The following TENM2 variants were observed in gnomAD, a reference collection of about 807,000 sequenced individuals.
TENM2 encodes the protein teneurin transmembrane protein 2.
TENM2 carries 52 observed loss-of-function variants against 245.2 expected under a neutral mutation model. The observed-to-expected ratio is 0.21, with a 90% CI of 0.17 to 0.27. The LOEUF (loss-of-function observed/expected upper bound fraction) is 0.27, where lower values mean the gene tolerates loss of function less well. TENM2 is among the 10% of genes least tolerant of loss of function. The probability of loss-of-function intolerance (pLI) is 1.00; values close to 1 mark genes in which losing one functional copy is unlikely to be tolerated. For synonymous variants in TENM2, 1,363 were observed against 1,438.9 expected, an observed-to-expected ratio of 0.95 and a Z score of 1.19; for missense variants, 3,046 against 3,666.8, an observed-to-expected ratio of 0.83 and a Z score of 4.37.
At chr5:167,977,921 G>A (rs1303054319) in intron 4 of TENM2, among the ~76,000 whole-genome samples, 2 of 152,160 alleles carry the variant, frequency 1.3e-5, no homozygotes, top group Non-Finnish European at 1.5e-5. Flanking sequence ...TGGGTCATGG[G>A]GGTGGATCTC....
chr5:167,428,405 T>A (rs1432772010), intron 2 of TENM2, among the ~76,000 whole-genome samples: 2 of 152,212 alleles, frequency 1.3e-5, no homozygotes, highest in Admixed American at 6.5e-5. Context: ...TGTGTTTTTT[T>A]AAAAATAACA....
At position 167,971,676 on chromosome 5, in the gene TENM2, G is replaced by C. The variant is rs905091319; in HGVS notation, c.947+18854G>C. 1.3e-5 allele frequency among the ~76,000 whole-genome samples: 2 copies of C among 151,410 alleles called. 1 individual carries two copies. The highest frequency in any genetic ancestry group is 4.2e-4 in the South Asian group (2 of 4,784). ...AGATCGCGCCACTGCACTCCAGCCT[G>C]GGTGACAGAGTGAGACTCCATCTAA... On this transcript the variant is annotated intron_variant, in intron 4 of 28. Coordinates refer to ENST00000518659, the Ensembl canonical transcript of TENM2.
intron 8 of TENM2, among the ~76,000 whole-genome samples, chr5:168,097,598 G>C (rs531698309): frequency 1.9e-5 from 1 of 52,680 alleles, no homozygotes; most frequent in Admixed American, 2.7e-4. Flanking sequence ...CTAATTGTGT[G>C]TGTGCGTGTG....
At chr5:167,194,894 C>T in the TENM2 span, among the ~76,000 whole-genome samples, 4 of 151,918 alleles carry the variant, frequency 2.6e-5, no homozygotes, top group Admixed American at 6.6e-5. Context: ...CTAAATTATA[C>T]GGCTATTTAC....
intron 5 of TENM2, among the ~76,000 whole-genome samples, chr5:168,030,527 C>T (rs962131758): frequency 7.9e-5 from 12 of 152,104 alleles, no homozygotes; most frequent in African/African-American, 2.7e-4. Context: ...CCAGTAATTT[C>T]CATTTCTAAT....
chr5:167,382,050 T>G (rs1761123879), intron 2 of TENM2, among the ~76,000 whole-genome samples: 1 of 152,158 alleles, frequency 6.6e-6, no homozygotes, highest in Non-Finnish European at 1.5e-5. Context: ...TGCCCTGAAG[T>G]ACTGAAAAAT....
At chr5:167,947,324 A>G (rs1053090611) in intron 3 of TENM2, among the ~76,000 whole-genome samples, 2 of 152,250 alleles carry the variant, frequency 1.3e-5, no homozygotes, top group Non-Finnish European at 2.9e-5. Flanking sequence ...GCTATGTACC[A>G]TGAATTGTGC....
At chr5:166,989,100 C>T in the TENM2 span, among the ~76,000 whole-genome samples, 9 of 151,820 alleles carry the variant, frequency 5.9e-5, no homozygotes, top group Non-Finnish European at 8.8e-5. Flanking sequence ...GTCAGAGTCT[C>T]GCTCTGTGGC....
intron 4 of TENM2, among the ~76,000 whole-genome samples, chr5:167,990,743 C>T (rs114947412): frequency 6.6e-6 from 1 of 152,160 alleles, no homozygotes; most frequent in Non-Finnish European, 1.5e-5. Context: ...TTAACATTAG[C>T]TGTGTTAAAT....
intron 16 of TENM2, 53 bp from the exon 19 acceptor site, chr5:168,199,811 T>C: frequency 1.3e-6 from 2 of 1,573,796 alleles, no homozygotes; most frequent in Non-Finnish European, 1.7e-6. Context: ...GGGTTACAGT[T>C]TACCTGCACA....
At chr5:167,381,610 A>G (rs910018005) in intron 2 of TENM2, among the ~76,000 whole-genome samples, 2 of 152,176 alleles carry the variant, frequency 1.3e-5, no homozygotes, top group Non-Finnish European at 2.9e-5. Context: ...GACAGATCAG[A>G]TTAGAAGCAG....
chr5:167,934,898 T>C, intron 3 of TENM2: 1 of 985,544 alleles, frequency 1.0e-6, no homozygotes, highest in Non-Finnish European at 1.2e-6. Context: ...GTGTGCAGGC[T>C]GCACTGCCCT....
At chr5:168,184,496 C>G (rs555295413) in intron 13 of TENM2, among the ~76,000 whole-genome samples, 49 of 152,350 alleles carry the variant, frequency 3.2e-4, no homozygotes, top group African/African-American at 1.2e-3. Context: ...TGGAGAGAGA[C>G]TCACTTGCAA....
intron 2 of TENM2, among the ~76,000 whole-genome samples, chr5:167,657,707 ACT>A (rs148083578): frequency 0.059 from 8,986 of 152,168 alleles, 832 homozygotes; most frequent in East Asian, 0.38. Flanking sequence ...CAACTACTAA[ACT>A]CTCTCACTGG....
chr5:168,080,251 G>T (rs974397785), intron 7 of TENM2, among the ~76,000 whole-genome samples: 28 of 152,298 alleles, frequency 1.8e-4, no homozygotes, highest in African/African-American at 6.7e-4. Flanking sequence ...ATGGTAGTTT[G>T]TATTTCTGTG....
At chr5:167,719,995 GA>G (rs542545838) in intron 2 of TENM2, among the ~76,000 whole-genome samples, 151 of 152,154 alleles carry the variant, frequency 9.9e-4, no homozygotes, top group African/African-American at 3.3e-3. Flanking sequence ...GGGTTAAAAA[GA>G]GGGGGGGGCT....
chr5:168,136,708 C>T (rs539382093), intron 12 of TENM2, among the ~76,000 whole-genome samples: 16 of 152,180 alleles, frequency 1.1e-4, no homozygotes, highest in South Asian at 2.1e-4. Context: ...GTATCCTCAC[C>T]TCTCCTCACC....
intron 2 of TENM2, among the ~76,000 whole-genome samples, chr5:167,435,160 GA>G (rs1280605919): frequency 1.4e-4 from 21 of 151,260 alleles, no homozygotes; most frequent in African/African-American, 4.1e-4. Context: ...TCATGGGGGG[GA>G]AAGGAATAAT....
At chr5:167,686,130 A>G (rs554281162) in intron 2 of TENM2, among the ~76,000 whole-genome samples, 25 of 152,218 alleles carry the variant, frequency 1.6e-4, no homozygotes, top group Non-Finnish European at 3.4e-4. Flanking sequence ...ATCACTTACT[A>G]TTATTTTCCA....
Sources: gnomAD v4.1 joint callset for allele counts (sites outside exome capture counted in the v4.1 genomes callset) on GRCh38, gnomAD v4.1.1 for gene constraint, MANE v1.5 for transcripts, NCBI Gene and HGNC (gene_info 2026-07-23, HGNC 2026-07-21) for gene names.